CACNA1B: variants seen among roughly 807,000 people sequenced by gnomAD.
The protein encoded by CACNA1B is calcium voltage-gated channel subunit alpha1 B, also known as voltage-dependent N-type calcium channel subunit alpha-1B.
A neutral mutation model predicts 247.2 loss-of-function variants in CACNA1B; 70 were observed. The ratio of observed to expected loss-of-function variants is 0.28; its 90% CI spans 0.23 to 0.35. The LOEUF is 0.35. Ranked by LOEUF, CACNA1B falls within the 10% of genes least tolerant of loss-of-function variation. The pLI is 1.00. For missense variants in CACNA1B, 2,367 were observed against 3,197.4 expected (o/e 0.74, Z 6.26); for synonymous variants, 1,231 against 1,294.4 (o/e 0.95, Z 1.05).
At chr9:138,067,568 G>A (rs953469570) in intron 31 of CACNA1B, among the ~76,000 whole-genome samples, 1 of 152,194 alleles carries the variant, frequency 6.6e-6, no homozygotes, top group Non-Finnish European at 1.5e-5. Flanking sequence ...GCATGATGGC[G>A]CACGCCTGTA....
intron 36 of CACNA1B, among the ~76,000 whole-genome samples, chr9:138,088,318 G>A (rs996849752): frequency 4.0e-5 from 6 of 151,604 alleles, no homozygotes; most frequent in South Asian, 2.1e-4. Context: ...GCAGTGAGCC[G>A]AGATTATGCC....
chr9:137,987,445 C>T (rs1345455098), intron 15 of CACNA1B, among the ~76,000 whole-genome samples: 2 of 152,200 alleles, frequency 1.3e-5, no homozygotes, highest in African/African-American at 4.8e-5. Context: ...CAGTCCTGCC[C>T]ATGACTGGCC....
intron 6 of CACNA1B, among the ~76,000 whole-genome samples, chr9:137,922,435 A>G (rs192586647): frequency 6.6e-6 from 1 of 152,384 alleles, no homozygotes; most frequent in East Asian, 1.9e-4. Flanking sequence ...TTCGGAGAAC[A>G]TGATCAGCTG....
Position 137,900,124 on chromosome 9 carries a change from G to C in CACNA1B, c.531-13056G>C, listed in dbSNP as rs559820494. On this transcript the variant is annotated intron_variant, in intron 3 of 46. Coordinates refer to ENST00000371372, the MANE Select transcript of CACNA1B (RefSeq NM_000718.4). ...TGAAGTGTGGAGGTGGCTAGACCAGGCCTGACTGGGGTGTGCCCCAGAAGC... is the reference window on the plus strand; with the variant it reads ...TGAAGTGTGGAGGTGGCTAGACCAGCCCTGACTGGGGTGTGCCCCAGAAGC... 2.0e-5 allele frequency among the ~76,000 whole-genome samples: 3 copies of C among 152,328 alleles called. No individual in the cohort carries two copies. In the East Asian group the frequency reaches 5.8e-4, roughly 29 times the overall value.
chr9:137,984,935 AAG>A (rs201081187), intron 13 of CACNA1B, among the ~76,000 whole-genome samples: 1 of 152,124 alleles, frequency 6.6e-6, no homozygotes, highest in South Asian at 2.1e-4. Context: ...TGTAGTGGGG[AAG>A]AGAGAGAGAG....
intron 39 of CACNA1B, among the ~76,000 whole-genome samples, chr9:138,110,327 C>T (rs1209119879): frequency 6.6e-6 from 1 of 152,022 alleles, no homozygotes. Flanking sequence ...GTTGGCCAGG[C>T]TGGTCTTGAA....
chr9:138,000,298 C>T (rs538452137), intron 15 of CACNA1B, among the ~76,000 whole-genome samples: 429 of 152,116 alleles, frequency 2.8e-3, no homozygotes, highest in Middle Eastern at 6.8e-3. Flanking sequence ...CAGGGTTTCA[C>T]CGTGTTAGCC....
chr9:138,074,733 C>T (rs1007215085), intron 34 of CACNA1B, among the ~76,000 whole-genome samples: 1 of 152,206 alleles, frequency 6.6e-6, no homozygotes, highest in Non-Finnish European at 1.5e-5. Flanking sequence ...GGTAGGGTGT[C>T]GGGGCACAGG....
Position 138,059,689 on chromosome 9 carries a change from T to C in CACNA1B, c.4620T>C (p.Phe1540=), listed in dbSNP as rs865935549. ...GAGATGCCTGGAATGTCTTTGACTTTGTCACTGTGTTGGGAAGTATTACTG... is the reference window on the plus strand; with the variant it reads ...GAGATGCCTGGAATGTCTTTGACTTCGTCACTGTGTTGGGAAGTATTACTG... ...YFRDAWNVFD[F]VTVLGSITDI... is the part of the protein sequence containing the mutation. The change falls in exon 31 of 47, where the codon TTT becomes TTC. Residue 1540 remains phenylalanine, a synonymous_variant. Transcript: ENST00000371372. This position sits in a 1 kb window ranked among gnomAD's most constrained non-coding sequence, Gnocchi z 4.2. 1.2e-6 allele frequency: 2 copies of C among 1,609,348 alleles called. No homozygotes were observed. Among genetic ancestry groups the C allele is most frequent in the Middle Eastern group, 3.3e-4 (2 of 6,052 alleles).
chr9:137,971,052 G>A lies in CACNA1B; in HGVS notation c.1334-331G>A, dbSNP rs1958140603. On this transcript the variant is annotated intron_variant, in intron 10 of 46. Transcript: ENST00000371372. This position sits in a 1 kb window ranked among gnomAD's most constrained non-coding sequence, Gnocchi z 4.4. ...CTAACTCAGATTTATGTCTTCAGGG[G>A]AAAAAGCTTGGGGTGCTCATGGAGA... 6.6e-6 allele frequency among the ~76,000 whole-genome samples: 1 copy of A among 152,184 alleles called. No individual in the cohort carries two copies. Among genetic ancestry groups the A allele is most frequent in the African/African-American group, 2.4e-5 (1 of 41,436 alleles).
intron 19 of CACNA1B, among the ~76,000 whole-genome samples, chr9:138,024,308 G>T (rs571309417): frequency 8.9e-4 from 136 of 152,264 alleles, no homozygotes; most frequent in African/African-American, 3.2e-3. Context: ...TGCTCCCTGG[G>T]GCAGGACTCA....
intron 36 of CACNA1B, among the ~76,000 whole-genome samples, chr9:138,093,218 A>G (rs185422772): frequency 6.6e-6 from 1 of 152,064 alleles, no homozygotes; most frequent in African/African-American, 2.4e-5. Context: ...TCAGGAGTTC[A>G]AGACCAGCTT....
intron 1 of CACNA1B, among the ~76,000 whole-genome samples, 161 bp downstream of exon 1, chr9:137,878,378 G>A (rs369254589): frequency 6.6e-6 from 1 of 151,980 alleles, no homozygotes; most frequent in Non-Finnish European, 1.5e-5. Context: ...AGCGGCGGGT[G>A]CGGGAGCATT....
chr9:137,905,763 T>G (rs904154163), intron 3 of CACNA1B, among the ~76,000 whole-genome samples: 2 of 152,210 alleles, frequency 1.3e-5, no homozygotes, highest in African/African-American at 4.8e-5. Context: ...ATTCGGAAAA[T>G]CTGATTTCCA....
In CACNA1B at chr9:138,114,487, C is replaced by A; in HGVS notation, c.5646C>A (p.Ser1882=). The part of the protein sequence containing the change: ...DQMQQAPGGL[S]QMGPVSLFHP... ...TGCAGCAGGCTCCTGGAGGCCTCTCCCAGGTAGCTGGCGGCCCTCAGTTTT... is the reference window on the plus strand; with the variant it reads ...TGCAGCAGGCTCCTGGAGGCCTCTCACAGGTAGCTGGCGGCCCTCAGTTTT... Residue 1882 remains serine (S), a synonymous_variant, in exon 41 of 47, where the codon TCC becomes TCA. Transcript: ENST00000371372. The A allele has an allele frequency of 2.6e-6, 4 of 1,539,076 alleles. No individual in the cohort carries two copies. Among genetic ancestry groups the A allele is most frequent in the Non-Finnish European group, 3.5e-6 (4 of 1,128,034 alleles).
chr9:137,931,344 C>T (rs942846192), intron 6 of CACNA1B, among the ~76,000 whole-genome samples: 2 of 152,080 alleles, frequency 1.3e-5, no homozygotes, highest in Non-Finnish European at 1.5e-5. Context: ...GAAGACCAGG[C>T]CCTCTACCAT....
rs1959653939 is a variant in CACNA1B at position 138,059,708 on chromosome 9, A to G, written c.4639A>G (p.Ile1547Val). ...VFDFVTVLGS[I>V]TDILVTEIAE... ...TGACTTTGTCACTGTGTTGGGAAGT[A>G]TTACTGATATTTTAGTAACAGAGAT... The change falls in exon 31 of 47, where the codon ATT (isoleucine) becomes GTT (valine). Residue 1547 changes from isoleucine to valine, a missense_variant. Physicochemically the swap from Ile to Val is conservative, Grantham distance 29. Around this residue, in one of 12 missense-constraint regions of CACNA1B, gnomAD observed 436 missense variants for 679.5 expected, o/e 0.64. Coordinates refer to ENST00000371372, the MANE Select transcript of CACNA1B (RefSeq NM_000718.4). The surrounding 1 kb of genome is among the most constrained non-coding windows in gnomAD (Gnocchi z 4.2). 6 of 1,604,832 alleles carry G rather than the reference A, an allele frequency of 3.7e-6. No individual in the cohort carries two copies. The highest frequency in any genetic ancestry group is 1.3e-5 in the African/African-American group (1 of 74,766).
Position 137,952,190 on chromosome 9 carries a change from G to T in CACNA1B, c.967-84G>T. Reference sequence around the variant, plus strand: ...ACCAGGTGTGTGCTTCTGAGAAGGAGGCCTGTTGGGGGCTGGGGGTGCTCC... The same window carrying T: ...ACCAGGTGTGTGCTTCTGAGAAGGATGCCTGTTGGGGGCTGGGGGTGCTCC... On this transcript the variant is annotated intron_variant, in intron 6 of 46. Coordinates refer to ENST00000371372, the MANE Select transcript of CACNA1B (RefSeq NM_000718.4). This position sits in a 1 kb window ranked among gnomAD's most constrained non-coding sequence, Gnocchi z 4.8. 1 of 1,027,172 alleles carries T rather than the reference G, an allele frequency of 9.7e-7. No individual in the cohort carries two copies. The highest frequency in any genetic ancestry group is 1.5e-6 in the Non-Finnish European group (1 of 657,438). 63.6% of individuals were successfully genotyped at this position (1,027,172 alleles called of 1,614,324 possible). A position where few individuals can be genotyped will look rare whatever the true frequency, so the allele number is the denominator to read the frequency against.
At chr9:138,029,727 A>G (rs1416265902) in intron 20 of CACNA1B, among the ~76,000 whole-genome samples, 2 of 151,216 alleles carry the variant, frequency 1.3e-5, no homozygotes, top group East Asian at 1.9e-4. Context: ...TTCTCGTTCA[A>G]AGTGATTCCT....
Sources: gnomAD v4.1 joint callset for allele counts (sites outside exome capture counted in the v4.1 genomes callset) on GRCh38, gnomAD v4.1.1 for gene constraint, gnomAD v4.1.1 regional missense constraint, Gnocchi (gnomAD v3.1) non-coding constraint, MANE v1.5 for transcripts, NCBI Gene and HGNC (gene_info 2026-07-23, HGNC 2026-07-21) for gene names.